The following FOXP2 variants were observed in gnomAD, a reference collection of about 807,000 sequenced individuals.
FOXP2 encodes forkhead box P2.
In FOXP2, 12 loss-of-function variants were observed where a neutral mutation model predicts 115.8. The observed-to-expected ratio is 0.10, with a 90% CI of 0.07 to 0.17. The LOEUF (loss-of-function observed/expected upper bound fraction) is 0.17. Among genes scored for constraint, FOXP2 ranks in the 10% least tolerant of loss-of-function variants. FOXP2 has a pLI of 1.00. For missense variants in FOXP2, 629 were observed against 843.5 expected (o/e 0.75, Z 3.15); for synonymous variants, 328 against 297.7 (o/e 1.10, Z -1.05).
At chr7:114,329,824 G>A (rs1355403221) in intron 2 of FOXP2, among the ~76,000 whole-genome samples, 2 of 151,626 alleles carry the variant, frequency 1.3e-5, no homozygotes, top group African/African-American at 4.8e-5. Flanking sequence ...TTACAGGCAC[G>A]TGCCACCATA....
chr7:114,385,637 G>A (rs1017418021), intron 2 of FOXP2, among the ~76,000 whole-genome samples: 14 of 152,158 alleles, frequency 9.2e-5, no homozygotes, highest in Admixed American at 8.5e-4. Flanking sequence ...CTTAAGTTCG[G>A]CGACCATGCT....
At chr7:114,386,085 G>A (rs1330841120) in intron 2 of FOXP2, among the ~76,000 whole-genome samples, 2 of 152,218 alleles carry the variant, frequency 1.3e-5, no homozygotes, top group African/African-American at 2.4e-5. Context: ...GGCAATGGGA[G>A]TCTCGCCGTA....
At chr7:114,634,863 G>T (rs909894749) in intron 6 of FOXP2, among the ~76,000 whole-genome samples, 1 of 152,072 alleles carries the variant, frequency 6.6e-6, no homozygotes, top group African/African-American at 2.4e-5. Flanking sequence ...ATAAACGTTT[G>T]TGTACTCTAA....
In FOXP2 at chr7:114,642,195, C is replaced by T. The variant is rs182397693; in HGVS notation, c.776-215C>T. 3.8e-4 allele frequency among the ~76,000 whole-genome samples: 58 copies of T among 152,206 alleles called. No individual in the cohort carries two copies. The East Asian group carries it at 7.7e-3, about 20-fold the overall frequency. ...ATTTCATATGGCATTATTCCCCATACTATTCCCAAATTGGTACTCTTTAGA... is the reference window on the plus strand; with the variant it reads ...ATTTCATATGGCATTATTCCCCATATTATTCCCAAATTGGTACTCTTTAGA... On this transcript the variant is annotated intron_variant, in intron 6 of 16. Transcript: ENST00000350908.
chr7:114,334,458 T>C (rs866834236), intron 2 of FOXP2, among the ~76,000 whole-genome samples: 2 of 151,964 alleles, frequency 1.3e-5, no homozygotes, highest in Admixed American at 1.3e-4. Flanking sequence ...ATAGTGTAAG[T>C]TTTCATATTT....
At chr7:114,273,200 T>C (rs1219547186) in intron 1 of FOXP2, among the ~76,000 whole-genome samples, 1 of 152,050 alleles carries the variant, frequency 6.6e-6, no homozygotes, top group East Asian at 1.9e-4. Context: ...CATTGACCTG[T>C]GTGTTACTTA....
rs184547482 is a variant in FOXP2 at position 114,293,324 on chromosome 7, G to T, written c.-11+5215G>T. On this transcript the variant is annotated intron_variant, in intron 2 of 17. Coordinates refer to the FOXP2 transcript ENST00000634411. ...GTCTCTTATCTTTGTCTCTGTTTCT[G>T]TCTCTCCCATTCTTTCAAATGACTT... is the stretch of plus-strand genomic sequence containing the variant. Among the ~76,000 whole-genome samples the T allele has an allele frequency of 1.3e-3, 193 of 151,992 alleles. 1 individual carries two copies. Among genetic ancestry groups the T allele is most frequent in the Middle Eastern group, 0.01 (3 of 294 alleles).
At chr7:114,321,976 TTTA>T (rs1797433538) in intron 2 of FOXP2, among the ~76,000 whole-genome samples, 1 of 152,018 alleles carries the variant, frequency 6.6e-6, no homozygotes, top group Non-Finnish European at 1.5e-5. Flanking sequence ...TGTTGATGAT[TTTA>T]TTATTAGCCA....
At chr7:114,473,013 C>CATT (rs1035839311) in intron 2 of FOXP2, among the ~76,000 whole-genome samples, 7 of 152,154 alleles carry the variant, frequency 4.6e-5, no homozygotes, top group African/African-American at 1.4e-4. Context: ...ACTTCACATG[C>CATT]ATTATCACAT....
At chr7:114,577,880 G>A (rs1056335885) in intron 3 of FOXP2, among the ~76,000 whole-genome samples, 2 of 151,776 alleles carry the variant, frequency 1.3e-5, no homozygotes, top group Non-Finnish European at 2.9e-5. Flanking sequence ...ATAAAGGGGA[G>A]GCATCAAGCA....
At chr7:114,255,283 C>T (rs574838966) in intron 1 of FOXP2, among the ~76,000 whole-genome samples, 54 of 152,312 alleles carry the variant, frequency 3.5e-4, no homozygotes, top group African/African-American at 1.3e-3. Context: ...AGATCTTAAA[C>T]TCTGTGCTGG....
intron 3 of FOXP2, among the ~76,000 whole-genome samples, chr7:114,577,427 T>G (rs1272811907): frequency 6.6e-6 from 1 of 152,024 alleles, no homozygotes; most frequent in Non-Finnish European, 1.5e-5. Context: ...TTATTTACTT[T>G]CAAATAATCC....
intron 2 of FOXP2, chr7:114,499,061 C>A: frequency 1.7e-6 from 1 of 587,440 alleles, no homozygotes; most frequent in Non-Finnish European, 3.1e-6. Flanking sequence ...GAATCAGAAA[C>A]CCTGGGGTTG....
At chr7:114,479,685 A>T (rs1244445595) in intron 2 of FOXP2, among the ~76,000 whole-genome samples, 1 of 151,544 alleles carries the variant, frequency 6.6e-6, no homozygotes, top group Non-Finnish European at 1.5e-5. Flanking sequence ...GTGAATTGAA[A>T]TTTTTGTAAG....
rs529062307 is a variant in FOXP2 at position 114,114,094 on chromosome 7, G to T, written c.-247+26256G>T. On this transcript the variant is annotated intron_variant, in intron 1 of 19. Coordinates refer to the FOXP2 transcript ENST00000635638. ...CAAAAATGAAGGAAAACATGATTCA[G>T]TATAGAAAGTCAAAATGAGGAAAGA... Among the ~76,000 whole-genome samples the T allele has an allele frequency of 1.9e-3, 287 of 151,950 alleles. 3 individuals are homozygous for T. Among genetic ancestry groups the T allele is most frequent in the African/African-American group, 6.8e-3 (281 of 41,498 alleles).
intron 3 of FOXP2, among the ~76,000 whole-genome samples, chr7:114,588,084 C>G (rs942817838): frequency 6.6e-6 from 1 of 151,506 alleles, no homozygotes; most frequent in Admixed American, 6.6e-5. Context: ...CCGAGGTGAG[C>G]GGATCACGAG....
At chr7:114,408,271 T>G (rs538126396) in intron 2 of FOXP2, among the ~76,000 whole-genome samples, 1 of 152,276 alleles carries the variant, frequency 6.6e-6, no homozygotes, top group South Asian at 2.1e-4. Context: ...TAGGCCTTAT[T>G]TTTTAGATCT....
chr7:114,346,580 G>A (rs937114603), intron 2 of FOXP2, among the ~76,000 whole-genome samples: 1 of 151,724 alleles, frequency 6.6e-6, no homozygotes, highest in Non-Finnish European at 1.5e-5. Flanking sequence ...ATACACAATG[G>A]AATACTATTC....
rs187944860 is a variant in FOXP2, at chr7:114,529,541, A to G, written c.169-5076A>G. ...TACAATAAGTAGTCTTAGTATCTCAATTTGGCCTCCATAGTGATGTACAGT... is the reference window on the plus strand; with the variant it reads ...TACAATAAGTAGTCTTAGTATCTCAGTTTGGCCTCCATAGTGATGTACAGT... On this transcript the variant is annotated intron_variant, in intron 2 of 16. Transcript: ENST00000350908. Among the ~76,000 whole-genome samples the G allele has an allele frequency of 8.4e-4, 127 of 151,938 alleles. No individual in the cohort carries two copies. The Middle Eastern group carries it at 0.021, about 25-fold the overall frequency.
Sources: gnomAD v4.1 joint callset for allele counts (sites outside exome capture counted in the v4.1 genomes callset) on GRCh38, gnomAD v4.1.1 for gene constraint, MANE v1.5 for transcripts, NCBI Gene and HGNC (gene_info 2026-07-23, HGNC 2026-07-21) for gene names.